KANSL1L: variants seen among roughly 807,000 people sequenced by gnomAD.
The protein encoded by KANSL1L is KAT8 regulatory NSL complex subunit 1-like protein.
A neutral mutation model predicts 108.6 loss-of-function variants in KANSL1L; 25 were observed. The observed-to-expected ratio is 0.23, with a 90% confidence interval of 0.17 to 0.32. KANSL1L has a LOEUF of 0.32. KANSL1L is among the 10% of genes least tolerant of loss of function. The pLI is 1.00. For missense variants in KANSL1L, 1,137 were observed against 1,125.7 expected (o/e 1.01, Z -0.14); for synonymous variants, 405 against 395.1 (o/e 1.03, Z -0.30).
intron 2 of KANSL1L, among the ~76,000 whole-genome samples, chr2:210,148,630 G>C (rs2095281736): frequency 1.3e-5 from 2 of 152,074 alleles, no homozygotes; most frequent in South Asian, 2.1e-4. Context: ...TCAACCAAAA[G>C]TTATTATTAA....
intron 7 of KANSL1L, among the ~76,000 whole-genome samples, chr2:210,041,038 A>G (rs2094158596): frequency 1.3e-5 from 2 of 152,180 alleles, no homozygotes; most frequent in Non-Finnish European, 2.9e-5. Flanking sequence ...TGAAAACATC[A>G]AAGTTCACAT....
At chr2:210,078,724 G>A (rs1365645091) in intron 5 of KANSL1L, among the ~76,000 whole-genome samples, 1 of 152,116 alleles carries the variant, frequency 6.6e-6, no homozygotes, top group East Asian at 1.9e-4. Flanking sequence ...AGCAAAACAT[G>A]AGGAAAATCC....
rs2370858 is a variant in KANSL1L, at chr2:210,113,861, A to G, written c.1231-9560T>C. On this transcript the variant is annotated intron_variant, in intron 3 of 14. Transcript: ENST00000281772. ...GAAAAACATCAATGAACTTGAAGCCAGGACAGTAAAAATAATCAAGTGCAA... is the reference window on the plus strand; with the variant it reads ...GAAAAACATCAATGAACTTGAAGCCGGGACAGTAAAAATAATCAAGTGCAA... Among the ~76,000 whole-genome samples, 251 of 152,322 alleles carry G rather than the reference A, an allele frequency of 1.6e-3. 1 individual carries two copies. The highest frequency in any genetic ancestry group is 6.8e-3 in the Middle Eastern group (2 of 294).
chr2:210,148,573 TCCAAAGGAAAAGTGA>T (rs1335865732), intron 2 of KANSL1L, among the ~76,000 whole-genome samples: 2 of 152,168 alleles, frequency 1.3e-5, no homozygotes, highest in Admixed American at 1.3e-4. Flanking sequence ...TATTATGCTT[TCCAAAGGAAAAGTGA>T]CTTTCTTTTA....
At chr2:210,154,681 G>T in intron 1 of KANSL1L, 70 bp from the exon 2 acceptor site, 1 of 899,252 alleles carries the variant, frequency 1.1e-6, no homozygotes. Context: ...TTTTCTAAGG[G>T]CAACATGTTC....
chr2:210,077,252 C>G (rs1477550131), intron 5 of KANSL1L, among the ~76,000 whole-genome samples: 1 of 151,998 alleles, frequency 6.6e-6, no homozygotes, highest in Non-Finnish European at 1.5e-5. Context: ...TTGATGACAA[C>G]TACCTCACTT....
At chr2:210,154,666 T>C (rs867598292) in intron 1 of KANSL1L, 55 bp from the exon 2 acceptor site, 13 of 1,131,188 alleles carry the variant, frequency 1.1e-5, no homozygotes, top group African/African-American at 1.6e-5. Flanking sequence ...TTTATGCTTA[T>C]ACTTTTTTCT....
chr2:210,047,749 C>T (rs1174634424), intron 6 of KANSL1L, among the ~76,000 whole-genome samples: 1 of 152,138 alleles, frequency 6.6e-6, no homozygotes, highest in Non-Finnish European at 1.5e-5. Context: ...TTTCACCATG[C>T]TTACTAATCT....
At chr2:210,086,766 G>A (rs1305118729) in intron 5 of KANSL1L, among the ~76,000 whole-genome samples, 2 of 151,938 alleles carry the variant, frequency 1.3e-5, no homozygotes, top group Non-Finnish European at 2.9e-5. Flanking sequence ...TATATAGAAT[G>A]AGGCTAACCT....
At position 210,040,532 on chromosome 2, in the gene KANSL1L, AAAAAT is replaced by A. The variant is rs2094153330; in HGVS notation, c.1922-10_1922-6del. On this transcript the variant is annotated splice_region_variant and splice_polypyrimidine_tract_variant and intron_variant, in intron 7 of 14. Coordinates refer to ENST00000281772, the MANE Select transcript of KANSL1L (RefSeq NM_152519.4). ...AGTGAAAATGAAGAGGCACATCTGG[AAAAAT>A]AAAATAAAAAAGGTATTTTCAAATA... The A allele has an allele frequency of 2.2e-6, 3 of 1,372,422 alleles. No individual in the cohort carries two copies. The highest frequency in any genetic ancestry group is 1.3e-5 in the South Asian group (1 of 75,898). 85.0% of individuals were successfully genotyped at this position (1,372,422 alleles called of 1,614,324 possible).
chr2:210,127,082 A>G (rs186077145), intron 3 of KANSL1L, among the ~76,000 whole-genome samples: 21 of 152,194 alleles, frequency 1.4e-4, no homozygotes, highest in East Asian at 1.4e-3. Context: ...AAAAAACCCA[A>G]TGTGGTACTG....
At chr2:210,164,907 C>G (rs1486952773) in intron 1 of KANSL1L, among the ~76,000 whole-genome samples, 1 of 149,528 alleles carries the variant, frequency 6.7e-6, no homozygotes, top group Non-Finnish European at 1.5e-5. Flanking sequence ...GCCCCGCCAC[C>G]TAGGCTGGAG....
chr2:210,085,279 GA>G (rs1409713907), intron 5 of KANSL1L, among the ~76,000 whole-genome samples: 1 of 152,134 alleles, frequency 6.6e-6, no homozygotes, highest in Non-Finnish European at 1.5e-5. Context: ...GCAAAATTTT[GA>G]AAACTGTTAA....
chr2:210,054,720 A>G (rs2094330790), intron 6 of KANSL1L, among the ~76,000 whole-genome samples: 6 of 151,840 alleles, frequency 4.0e-5, no homozygotes, highest in African/African-American at 1.2e-4. Flanking sequence ...AGCCACAGCA[A>G]TTAGGCAAGA....
intron 1 of KANSL1L, among the ~76,000 whole-genome samples, chr2:210,164,670 A>G (rs893667201): frequency 6.6e-6 from 1 of 152,080 alleles, no homozygotes. Flanking sequence ...TTGTCACAAC[A>G]CACAGAAATG....
chr2:210,053,519 C>A (rs1409445932), intron 6 of KANSL1L, among the ~76,000 whole-genome samples: 1 of 152,050 alleles, frequency 6.6e-6, no homozygotes, highest in Non-Finnish European at 1.5e-5. Flanking sequence ...ATTGCTTGAA[C>A]CTGGGAGGCG....
intron 1 of KANSL1L, among the ~76,000 whole-genome samples, chr2:210,158,948 AACTAC>A (rs2095347842): frequency 6.6e-6 from 1 of 152,218 alleles, no homozygotes; most frequent in Admixed American, 6.5e-5. Context: ...TTATATAAAC[AACTAC>A]ACTTATCACT....
chr2:210,025,357 C>T (rs575647305), intron 12 of KANSL1L, 141 bp from the exon 13 acceptor site: 4 of 506,464 alleles, frequency 7.9e-6, no homozygotes, highest in Non-Finnish European at 1.5e-5. Flanking sequence ...GAGTTCAAGA[C>T]CAGCCTGGCC....
At chr2:210,042,906 T>TAAATCAGTCCC (rs1346930014) in intron 7 of KANSL1L, among the ~76,000 whole-genome samples, 1 of 152,128 alleles carries the variant, frequency 6.6e-6, no homozygotes, top group Non-Finnish European at 1.5e-5. Context: ...GCTTTACAAA[T>TAAATCAGTCCC]AAATCAGTCC....
Sources: allele counts gnomAD v4.1 joint callset (sites outside exome capture counted in the v4.1 genomes callset), GRCh38; gene constraint gnomAD v4.1.1; transcripts MANE v1.5; gene names NCBI Gene and HGNC (gene_info 2026-07-23, HGNC 2026-07-21).